PDGFD: variants seen among roughly 807,000 people sequenced by gnomAD.
The protein encoded by PDGFD is platelet derived growth factor D.
PDGFD carries 30 observed loss-of-function variants against 44.7 expected under a neutral mutation model. That is an observed-to-expected ratio of 0.67 (90% CI 0.50 to 0.91). The LOEUF (loss-of-function observed/expected upper bound fraction) is 0.91. Among genes scored for constraint, PDGFD ranks in the 40% least tolerant of loss-of-function variants. The probability of loss-of-function intolerance (pLI) is 0.00; values close to 1 mark genes in which losing one functional copy is unlikely to be tolerated. For missense variants in PDGFD, 445 were observed against 457.8 expected, an observed-to-expected ratio of 0.97 and a Z score of 0.25; for synonymous variants, 173 against 168.4, an observed-to-expected ratio of 1.03 and a Z score of -0.21.
chr11:103,952,636 G>A (rs1482862879), intron 3 of PDGFD, among the ~76,000 whole-genome samples: 1 of 152,022 alleles, frequency 6.6e-6, no homozygotes, highest in Admixed American at 6.6e-5. Context: ...ACTACAGTTA[G>A]GACTAGGACC....
chr11:104,089,891 C>T (rs963218925), intron 1 of PDGFD, among the ~76,000 whole-genome samples: 2 of 152,116 alleles, frequency 1.3e-5, no homozygotes, highest in African/African-American at 4.8e-5. Context: ...TGTATAGATT[C>T]TATTGGTTGA....
At chr11:104,108,587 T>A (rs1565337199) in intron 1 of PDGFD, among the ~76,000 whole-genome samples, 1 of 152,166 alleles carries the variant, frequency 6.6e-6, no homozygotes, top group Non-Finnish European at 1.5e-5. Context: ...ATAGGAACAC[T>A]TTTACACTGT....
intron 1 of PDGFD, among the ~76,000 whole-genome samples, chr11:104,024,227 T>C (rs2134384497): frequency 6.6e-6 from 1 of 152,098 alleles, no homozygotes; most frequent in Non-Finnish European, 1.5e-5. Flanking sequence ...AGGATTAATA[T>C]CTCCAAGTAT....
Position 104,048,710 on chromosome 11 carries a change from T to A in PDGFD, c.125-48455A>T, listed in dbSNP as rs563980542. On this transcript the variant is annotated intron_variant, in intron 1 of 6. Coordinates refer to ENST00000393158, the MANE Select transcript of PDGFD (RefSeq NM_025208.5). ...GAGTATGCTGAGACATAAGTCCAAT[T>A]CGTGGTATGCCATTCATTTTCTCAT... 2.2e-4 allele frequency among the ~76,000 whole-genome samples: 33 copies of A among 152,316 alleles called. No individual in the cohort carries two copies. In the South Asian group the frequency reaches 5.6e-3, roughly 26 times the overall value.
chr11:104,139,667 T>C (rs1378678586), intron 1 of PDGFD, among the ~76,000 whole-genome samples: 4 of 152,168 alleles, frequency 2.6e-5, no homozygotes, highest in African/African-American at 9.7e-5. Flanking sequence ...ATTTCCCTGA[T>C]TCATAAAGAA....
intron 2 of PDGFD, among the ~76,000 whole-genome samples, chr11:103,998,210 C>T (rs1354419205): frequency 6.6e-6 from 1 of 152,020 alleles, no homozygotes; most frequent in African/African-American, 2.4e-5. Flanking sequence ...CATAATAAGC[C>T]CCCTTCCAAC....
intron 1 of PDGFD, among the ~76,000 whole-genome samples, chr11:104,018,230 A>G (rs1401157182): frequency 6.6e-6 from 1 of 152,086 alleles, no homozygotes; most frequent in African/African-American, 2.4e-5. Flanking sequence ...GAATCTAATG[A>G]GAAGTAATAG....
chr11:103,929,182 G>T (rs761856539), intron 5 of PDGFD, among the ~76,000 whole-genome samples: 2 of 152,126 alleles, frequency 1.3e-5, no homozygotes, highest in African/African-American at 4.8e-5. Flanking sequence ...AGTATTATTT[G>T]CTAAGAGTTA....
chr11:103,939,564 T>C (rs1858550304), intron 5 of PDGFD, among the ~76,000 whole-genome samples: 1 of 152,162 alleles, frequency 6.6e-6, no homozygotes, highest in Non-Finnish European at 1.5e-5. Context: ...TCCTGCCTGA[T>C]TGCCCTGGAG....
chr11:104,037,139 G>C (rs1591132731), intron 1 of PDGFD: 1 of 1,613,834 alleles, frequency 6.2e-7, no homozygotes. Flanking sequence ...GGGACGTCCA[G>C]CTCCCGTCCA....
At chr11:103,969,711 T>C (rs1292591252) in intron 3 of PDGFD, among the ~76,000 whole-genome samples, 1 of 151,996 alleles carries the variant, frequency 6.6e-6, no homozygotes, top group Non-Finnish European at 1.5e-5. Context: ...AGAGTTCTTG[T>C]CTTTTAAAAT....
intron 1 of PDGFD, among the ~76,000 whole-genome samples, chr11:104,003,091 T>C (rs1436709414): frequency 6.6e-6 from 1 of 152,228 alleles, no homozygotes; most frequent in African/African-American, 2.4e-5. Flanking sequence ...GGTTCTTGTC[T>C]TCGTACACTT....
intron 1 of PDGFD, among the ~76,000 whole-genome samples, chr11:104,119,123 TG>T (rs1357653359): frequency 0.021 from 226 of 10,868 alleles, 34 homozygotes; most frequent in Non-Finnish European, 0.026. Context: ...TATAATATAT[TG>T]ATATAATATA....
At chr11:104,115,338 T>C (rs1861619613) in intron 1 of PDGFD, among the ~76,000 whole-genome samples, 1 of 150,004 alleles carries the variant, frequency 6.7e-6, no homozygotes, top group African/African-American at 2.4e-5. Context: ...CATATATGTG[T>C]ATATAAATAT....
intron 1 of PDGFD, among the ~76,000 whole-genome samples, chr11:104,151,211 G>T (rs955104916): frequency 1.3e-5 from 2 of 151,598 alleles, no homozygotes; most frequent in Non-Finnish European, 2.9e-5. Flanking sequence ...CTTTAGGAAT[G>T]TCCTGCAAGT....
At chr11:104,039,149 G>A (rs1441718129) in intron 1 of PDGFD, 1 of 166,966 alleles carries the variant, frequency 6.0e-6, no homozygotes, top group African/African-American at 2.4e-5. Flanking sequence ...AATGTTTCAG[G>A]ACAATAATTT....
chr11:104,138,734 C>T (rs535950771), intron 1 of PDGFD, among the ~76,000 whole-genome samples: 45 of 152,280 alleles, frequency 3.0e-4, no homozygotes, highest in African/African-American at 1.0e-3. Context: ...TGACTTTATA[C>T]TTACAGTATT....
intron 1 of PDGFD, among the ~76,000 whole-genome samples, chr11:104,147,655 T>C (rs982889667): frequency 1.3e-5 from 2 of 152,150 alleles, no homozygotes; most frequent in African/African-American, 4.8e-5. Context: ...GCTCCAAATA[T>C]ATGCTGTCCA....
intron 1 of PDGFD, among the ~76,000 whole-genome samples, chr11:104,010,249 A>G (rs1030008490): frequency 6.6e-6 from 1 of 151,992 alleles, no homozygotes; most frequent in African/African-American, 2.4e-5. Context: ...TTACATAAAC[A>G]GCCATGCTCA....
Sources: allele counts gnomAD v4.1 joint callset (sites outside exome capture counted in the v4.1 genomes callset), GRCh38; gene constraint gnomAD v4.1.1; transcripts MANE v1.5; gene names NCBI Gene and HGNC (gene_info 2026-07-23, HGNC 2026-07-21).